Variants in CENPE observed in about 807,000 individuals in gnomAD.
CENPE encodes centromere-associated protein E.
Under a neutral mutation model 336.1 loss-of-function variants are expected in CENPE, and 145 were observed. The ratio of observed to expected loss-of-function variants is 0.43; its 90% CI spans 0.38 to 0.50. The LOEUF (loss-of-function observed/expected upper bound fraction) is 0.50. CENPE is among the 20% of genes least tolerant of loss of function. The pLI is 0.00. For synonymous variants in CENPE, 1,013 were observed against 984.8 expected, an observed-to-expected ratio of 1.03 and a Z score of -0.54; for missense variants, 2,719 against 3,023.3, an observed-to-expected ratio of 0.90 and a Z score of 2.36.
rs1186445540 is a variant in CENPE at position 103,163,499 on chromosome 4, C to T, written c.1702G>A (p.Val568Ile). ...NLKNLVKHAEVYNQDLENELS... is the reference protein window; with the variant it reads ...NLKNLVKHAEIYNQDLENELS... ...CTCACCTCAAGATCTTGATTATATA[C>T]TTCTGCATGCTTAACTAAATTCTTT... Residue 568 changes from valine to isoleucine, a missense_variant, in exon 17 of 49, where the codon GTA (valine) becomes ATA (isoleucine). Val to Ile is a conservative substitution (Grantham distance 29). Coordinates refer to ENST00000265148, the MANE Select transcript of CENPE (RefSeq NM_001813.3). 4 of 1,592,336 alleles carry T rather than the reference C, an allele frequency of 2.5e-6. No homozygotes were observed. The highest frequency in any genetic ancestry group is 3.4e-6 in the Non-Finnish European group (4 of 1,171,656).
chr4:103,136,509 C>G, intron 39 of CENPE, 150 bp from the exon 40 acceptor site: 1 of 512,996 alleles, frequency 1.9e-6, no homozygotes, highest in Admixed American at 3.9e-5. Flanking sequence ...CAAAAGGAAA[C>G]TCTTGTTGTC....
intron 11 of CENPE, chr4:103,181,989 T>C (rs1210059502): frequency 6.6e-6 from 1 of 152,396 alleles, no homozygotes; most frequent in East Asian, 1.9e-4. Flanking sequence ...GTACCATAAG[T>C]AACTTTAGGT....
At chr4:103,151,526 A>T (rs1260407896) in intron 25 of CENPE, 149 bp from the exon 26 acceptor site, 20 of 566,830 alleles carry the variant, frequency 3.5e-5, no homozygotes, top group Non-Finnish European at 5.1e-5. Flanking sequence ...GAAAGTCCTT[A>T]TTTTAATAAT....
intron 16 of CENPE, among the ~76,000 whole-genome samples, chr4:103,166,529 T>C (rs537439928): frequency 2.8e-4 from 42 of 152,334 alleles, no homozygotes; most frequent in African/African-American, 9.4e-4. Context: ...TCTTTGAATA[T>C]AGTACCTATG....
chr4:103,173,695 C>A (rs938737200), intron 16 of CENPE, among the ~76,000 whole-genome samples: 9 of 123,160 alleles, frequency 7.3e-5, no homozygotes, highest in Admixed American at 2.4e-4. Context: ...AGCAAAAAAA[C>A]CCCCAAACAA....
rs189201956 is a variant in CENPE at position 103,136,315 on chromosome 4, G to A, written c.6348C>T (p.Cys2116=). The change falls in exon 40 of 49, where the codon TGC becomes TGT. Residue 2116 remains cysteine, a synonymous_variant. Transcript: ENST00000265148. The part of the protein sequence containing the change: ...RYSEMDDHYE[C]LNRLSLDLEK... ...CCAAGTCAAGAGACAATCTATTCAA[G>A]CACTCATAATGATCATCCATCTCTG... 12 of 1,612,664 alleles carry A rather than the reference G, an allele frequency of 7.4e-6. No homozygotes were observed. The Admixed American group carries it at 1.8e-4, about 25-fold the overall frequency.
intron 40 of CENPE, among the ~76,000 whole-genome samples, chr4:103,135,145 TTC>T (rs1294342785): frequency 6.6e-6 from 1 of 152,180 alleles, no homozygotes. Context: ...TTTTCCAGAG[TTC>T]TGTTTTTATC....
chr4:103,176,128 AT>A lies in CENPE; in HGVS notation c.1391-81del, dbSNP rs1172003287. On this transcript the variant is annotated intron_variant, in intron 14 of 48. Coordinates refer to ENST00000265148, the MANE Select transcript of CENPE (RefSeq NM_001813.3). ...AGTCAAATTAAAGATTACTAAAAAA[AT>A]TCTTATCAGAGATACTAAGAACTTC... 9.9e-6 allele frequency: 8 copies of A among 807,306 alleles called. No individual in the cohort carries two copies. In the African/African-American group the frequency reaches 1.2e-4, roughly 12 times the overall value. 50.0% of individuals were successfully genotyped at this position (807,306 alleles called of 1,614,324 possible). A position where few individuals can be genotyped will look rare whatever the true frequency, so the allele number is the denominator to read the frequency against.
At chr4:103,195,288 T>G in intron 4 of CENPE, 55 bp from the exon 5 acceptor site, 2 of 1,473,614 alleles carry the variant, frequency 1.4e-6, no homozygotes, top group South Asian at 1.3e-5. Flanking sequence ...TGTGAAAACC[T>G]AATGCTAAAT....
At chr4:103,180,872 G>A (rs1377737079) in intron 12 of CENPE, among the ~76,000 whole-genome samples, 2 of 152,074 alleles carry the variant, frequency 1.3e-5, no homozygotes, top group Non-Finnish European at 2.9e-5. Context: ...CTTAATGCGT[G>A]ATTTTTTACA....
At chr4:103,110,302 C>A (rs1005909820) in intron 47 of CENPE, among the ~76,000 whole-genome samples, 1 of 152,122 alleles carries the variant, frequency 6.6e-6, no homozygotes, top group Admixed American at 6.6e-5. Flanking sequence ...CATAATATAA[C>A]CCTTTTATAA....
chr4:103,163,421 G>C (rs916500937), intron 17 of CENPE, 58 bp downstream of exon 17: 7 of 1,320,974 alleles, frequency 5.3e-6, no homozygotes, highest in Non-Finnish European at 7.6e-6. Context: ...AGTTACATAT[G>C]TTGCATGTTT....
intron 8 of CENPE, among the ~76,000 whole-genome samples, chr4:103,188,467 T>A (rs1385699639): frequency 2.6e-5 from 4 of 152,092 alleles, no homozygotes; most frequent in African/African-American, 4.8e-5. Context: ...GCAATCAAAC[T>A]AGAACTCAGG....
Position 103,141,770 on chromosome 4 carries a change from T to C in CENPE, c.5443A>G (p.Asn1815Asp). 1.3e-6 allele frequency: 2 copies of C among 1,533,502 alleles called. No individual in the cohort carries two copies. The highest frequency in any genetic ancestry group is 8.9e-7 in the Non-Finnish European group (1 of 1,120,040). The allele number at this position is 1,533,502 out of a possible 1,614,324, so 95.0% of individuals were successfully genotyped here. Residue 1815 changes from asparagine to aspartate, a missense_variant, in exon 35 of 49, where the codon AAT (asparagine) becomes GAT (aspartate). Transcript: ENST00000265148. Reference sequence around the variant, plus strand: ...AATACCTTTTCTTGTAATTTAGCATTTGAATTTTCTAAATCTTTTTGCATA... The same window carrying C: ...AATACCTTTTCTTGTAATTTAGCATCTGAATTTTCTAAATCTTTTTGCATA... ...SNMQKDLENS[N>D]AKLQEKIQEL...
intron 2 of CENPE, 127 bp downstream of exon 2, chr4:103,196,632 C>A: frequency 1.6e-6 from 1 of 611,242 alleles, no homozygotes; most frequent in South Asian, 2.1e-5. Flanking sequence ...AATTTTGTTT[C>A]CAGTGAAGCA....
rs377387945 is a variant in CENPE at position 103,160,585 on chromosome 4, T to C, written c.2286+40A>G. 180 of 1,543,624 alleles carry C rather than the reference T, an allele frequency of 1.2e-4. No individual in the cohort carries two copies. In the African/African-American group the frequency reaches 1.4e-3, roughly 12 times the overall value. On this transcript the variant is annotated intron_variant, in intron 21 of 48. Coordinates refer to ENST00000265148, the MANE Select transcript of CENPE (RefSeq NM_001813.3). ...AAGGCACTATTATCGCAAAGGTTTT[T>C]ATTTCAAAATAAGGGATAAGTGCTT...
At chr4:103,115,895 A>G (rs895547700) in intron 45 of CENPE, among the ~76,000 whole-genome samples, 4 of 151,808 alleles carry the variant, frequency 2.6e-5, no homozygotes, top group African/African-American at 7.3e-5. Context: ...CATGCCGGCT[A>G]ATTTTTTTGG....
chr4:103,131,845 C>A (rs1307156975), intron 42 of CENPE, among the ~76,000 whole-genome samples: 1 of 152,102 alleles, frequency 6.6e-6, no homozygotes, highest in Non-Finnish European at 1.5e-5. Context: ...AGTTGTCAAC[C>A]TGAAAAGGCT....
Position 103,132,825 on chromosome 4 carries a change from ATTAC to A in CENPE, c.6788_6791del (p.Ser2263IlefsTer5). 6.3e-7 allele frequency: 1 copy of A among 1,587,726 alleles called. No homozygotes were observed. Among genetic ancestry groups the A allele is most frequent in the Non-Finnish European group, 8.6e-7 (1 of 1,162,556 alleles). ...CCAAAAACTGTGTCATTTCTTTCCT[ATTAC>A]TTAGTACTTGTTGAAATTCAGTCTT... On this transcript the variant is annotated frameshift_variant, in exon 42 of 49. Coordinates refer to ENST00000265148, the MANE Select transcript of CENPE (RefSeq NM_001813.3). LOFTEE classifies it high-confidence loss of function.
Sources: gnomAD v4.1 joint callset for allele counts (sites outside exome capture counted in the v4.1 genomes callset) on GRCh38, gnomAD v4.1.1 for gene constraint, MANE v1.5 for transcripts, NCBI Gene and HGNC (gene_info 2026-07-23, HGNC 2026-07-21) for gene names.